TRAPPC10: variants seen among roughly 807,000 people sequenced by gnomAD.
TRAPPC10 encodes the protein trafficking protein particle complex subunit 10, also known as TRAPP 130 kDa subunit.
A neutral mutation model predicts 125.5 loss-of-function variants in TRAPPC10; 23 were observed. The ratio of observed to expected loss-of-function variants is 0.18; its 90% confidence interval spans 0.13 to 0.26. The LOEUF (loss-of-function observed/expected upper bound fraction) is 0.26, where lower values mean the gene tolerates loss of function less well. Among genes scored for constraint, TRAPPC10 ranks in the 10% least tolerant of loss-of-function variants. TRAPPC10 has a pLI of 1.00. For synonymous variants in TRAPPC10, 509 were observed against 518.0 expected, an observed-to-expected ratio of 0.98 and a Z score of 0.24; for missense variants, 1,123 against 1,308.4, an observed-to-expected ratio of 0.86 and a Z score of 2.19.
intron 11 of TRAPPC10, 63 bp downstream of exon 11, chr21:44,077,847 T>C: frequency 2.4e-6 from 3 of 1,267,712 alleles, no homozygotes; most frequent in South Asian, 1.3e-5. Flanking sequence ...AGATTTGTTA[T>C]ATATGGAGTT....
intron 3 of TRAPPC10, among the ~76,000 whole-genome samples, chr21:44,041,506 A>G (rs1291835825): frequency 2.0e-5 from 3 of 151,462 alleles, no homozygotes; most frequent in African/African-American, 7.3e-5. Flanking sequence ...CCTCCCGAGT[A>G]GCTGGGATTA....
intron 1 of TRAPPC10, among the ~76,000 whole-genome samples, chr21:44,013,323 C>T (rs1307062598): frequency 6.6e-6 from 1 of 152,182 alleles, no homozygotes; most frequent in African/African-American, 2.4e-5. Context: ...GAGTTAAATA[C>T]GGTTAAGAAC....
chr21:44,025,104 A>G (rs2032921193), intron 1 of TRAPPC10, among the ~76,000 whole-genome samples: 1 of 152,208 alleles, frequency 6.6e-6, no homozygotes. Context: ...GTAGTTGTGC[A>G]CAGATAGCCT....
intron 1 of TRAPPC10, among the ~76,000 whole-genome samples, chr21:44,022,357 C>T (rs917555429): frequency 1.4e-5 from 2 of 146,840 alleles, no homozygotes; most frequent in African/African-American, 5.0e-5. Context: ...GATCTTGGCT[C>T]ACTGCAACCT....
At chr21:44,043,270 G>T (rs2034543761) in intron 3 of TRAPPC10, among the ~76,000 whole-genome samples, 1 of 143,542 alleles carries the variant, frequency 7.0e-6, no homozygotes, top group South Asian at 2.2e-4. Flanking sequence ...CTGGAGTGCA[G>T]TGGCTTGATC....
At chr21:44,060,099 C>T (rs917594426) in intron 6 of TRAPPC10, 1 of 153,004 alleles carries the variant, frequency 6.5e-6, no homozygotes, top group African/African-American at 2.4e-5. Context: ...GAGCACTGTC[C>T]TCACTCTGGA....
intron 12 of TRAPPC10, 40 bp downstream of exon 12, chr21:44,079,744 C>A (rs760236365): frequency 1.3e-5 from 20 of 1,587,290 alleles, no homozygotes; most frequent in Non-Finnish European, 1.6e-5. Flanking sequence ...AAATTATTTT[C>A]TGTTTATACG....
chr21:44,012,734 CCCTCTGACCTTCCCGCCGGGCGA>C (rs1163583599), intron 1 of TRAPPC10, among the ~76,000 whole-genome samples, 174 bp downstream of exon 1: 2 of 152,010 alleles, frequency 1.3e-5, no homozygotes, highest in Non-Finnish European at 2.9e-5. Context: ...TTCGGGGACG[CCCTCTGACCTTCCCGCCGGGCGA>C]CCTCTGACCC....
intron 1 of TRAPPC10, among the ~76,000 whole-genome samples, chr21:44,029,294 C>G (rs1331355045): frequency 6.6e-6 from 1 of 152,140 alleles, no homozygotes; most frequent in Admixed American, 6.5e-5. Context: ...CGGGGTTTCA[C>G]CGTGTTGTCC....
chr21:44,078,661 G>A (rs186893440), intron 11 of TRAPPC10, among the ~76,000 whole-genome samples: 3 of 152,322 alleles, frequency 2.0e-5, no homozygotes, highest in Admixed American at 2.0e-4. Context: ...CTAGAATGTA[G>A]CTCTCTTGAA....
At chr21:44,079,384 G>C in intron 11 of TRAPPC10, 180 bp from the exon 12 acceptor site, 1 of 573,910 alleles carries the variant, frequency 1.7e-6, no homozygotes, top group Non-Finnish European at 2.9e-6. Context: ...GTCTAATTAT[G>C]TCGTCCTGAG....
Position 44,059,651 on chromosome 21 carries a change from A to T in TRAPPC10, c.790+437A>T. 1.7e-6 allele frequency: 1 copy of T among 590,880 alleles called. No homozygotes were observed. The highest frequency in any genetic ancestry group is 3.1e-6 in the Non-Finnish European group (1 of 327,328). The allele number at this position is 590,880 out of a possible 1,614,324, so 36.6% of individuals were successfully genotyped here. A position where few individuals can be genotyped will look rare whatever the true frequency, so the allele number is the denominator to read the frequency against. ...CATCTTTCTTTTGCACTTTTAAATA[A>T]TATCTTAAGCTCCTTTACAATTAAA... On this transcript the variant is annotated intron_variant, in intron 6 of 22. Transcript: ENST00000291574. The surrounding 1 kb of genome is among the most constrained non-coding windows in gnomAD (Gnocchi z 4.4).
chr21:44,061,848 A>T (rs2036081974), intron 6 of TRAPPC10, among the ~76,000 whole-genome samples: 2 of 152,236 alleles, frequency 1.3e-5, no homozygotes, highest in African/African-American at 4.8e-5. Context: ...AACAACCTTG[A>T]GGTCATATCA....
At chr21:44,054,348 T>C (rs2145849922) in intron 4 of TRAPPC10, among the ~76,000 whole-genome samples, 1 of 152,336 alleles carries the variant, frequency 6.6e-6, no homozygotes, top group Admixed American at 6.5e-5. Context: ...GTATGCTGCT[T>C]CACTGTTTTG....
intron 1 of TRAPPC10, among the ~76,000 whole-genome samples, chr21:44,012,838 G>C (rs925624709): frequency 4.6e-5 from 7 of 151,868 alleles, no homozygotes; most frequent in Non-Finnish European, 1.0e-4. Flanking sequence ...GGGACTGGGC[G>C]CGCGCCGGCG....
Position 44,094,124 on chromosome 21 carries a change from C to T in TRAPPC10, c.3059C>T (p.Pro1020Leu). Residue 1020 changes from proline (P) to leucine (L), a missense_variant, in exon 20 of 23, where the codon CCC (proline) becomes CTC (leucine). By Grantham distance (98) the Pro-to-Leu change is moderately conservative. Coordinates refer to ENST00000291574, the MANE Select transcript of TRAPPC10 (RefSeq NM_003274.5). Reference protein sequence around the residue: ...VWELKWTEEPPPSLHCRFSVG... With the variant: ...VWELKWTEEPLPSLHCRFSVG... ...GAACTCAAGTGGACAGAAGAGCCTC[C>T]CCCTTCTCTGCATTGCCGGTTCTCT... 1 of 1,614,162 alleles carries T rather than the reference C, an allele frequency of 6.2e-7. No individual in the cohort carries two copies. Among genetic ancestry groups the T allele is most frequent in the South Asian group, 1.1e-5 (1 of 91,086 alleles).
At chr21:44,089,742 C>T (rs892313301) in intron 17 of TRAPPC10, 91 bp from the exon 18 acceptor site, 12 of 890,494 alleles carry the variant, frequency 1.3e-5, no homozygotes, top group Non-Finnish European at 1.9e-5. Context: ...AGGGCGTGGG[C>T]GGGCACTGCA....
At chr21:44,024,191 T>C (rs1054346628) in intron 1 of TRAPPC10, among the ~76,000 whole-genome samples, 1 of 152,266 alleles carries the variant, frequency 6.6e-6, no homozygotes. Flanking sequence ...AGCTCCATCC[T>C]CTGTGTTTTC....
At position 44,089,992 on chromosome 21, in the gene TRAPPC10, G is replaced by T; in HGVS notation, c.2870+59G>T. The T allele has an allele frequency of 7.5e-6, 10 of 1,341,236 alleles. 1 individual carries two copies. The South Asian group carries it at 8.5e-5, about 11-fold the overall frequency. The allele number at this position is 1,341,236 out of a possible 1,614,324, so 83.1% of individuals were successfully genotyped here. On this transcript the variant is annotated intron_variant, in intron 18 of 22. Coordinates refer to ENST00000291574, the MANE Select transcript of TRAPPC10 (RefSeq NM_003274.5). Reference sequence around the variant, plus strand: ...TTTCCCCAGACTCTTCTAAGTGGAGGTTCCTAATGTTCAAAACTGGCCTTC... The same window carrying T: ...TTTCCCCAGACTCTTCTAAGTGGAGTTTCCTAATGTTCAAAACTGGCCTTC...
Sources: allele counts gnomAD v4.1 joint callset (sites outside exome capture counted in the v4.1 genomes callset), GRCh38; gene constraint gnomAD v4.1.1; non-coding constraint Gnocchi (gnomAD v3.1); transcripts MANE v1.5; gene names NCBI Gene and HGNC (gene_info 2026-07-23, HGNC 2026-07-21).